BCOR: variants seen among roughly 807,000 people sequenced by gnomAD.
The protein encoded by BCOR is BCL6 corepressor.
BCOR carries 10 observed loss-of-function variants against 86.7 expected under a neutral mutation model. The observed-to-expected ratio is 0.12, with a 90% CI of 0.07 to 0.20. The LOEUF (loss-of-function observed/expected upper bound fraction) is 0.20. BCOR is among the 10% of genes least tolerant of loss of function. The pLI, the probability that BCOR is intolerant of heterozygous loss-of-function variation, is 1.00. For synonymous variants in BCOR, 611 were observed against 609.0 expected, an observed-to-expected ratio of 1.00 and a Z score of -0.05; for missense variants, 1,259 against 1,452.1, an observed-to-expected ratio of 0.87 and a Z score of 2.16.
At chrX:40,151,204 T>G (rs1938159074) in intron 1 of BCOR, among the ~76,000 whole-genome samples, 1 of 112,317 alleles carries the variant, frequency 8.9e-6, no homozygotes, top group Admixed American at 9.3e-5. Context: ...GTGGGTGGAT[T>G]AGGCCCAAGG....
intron 1 of BCOR, among the ~76,000 whole-genome samples, chrX:40,161,342 G>A (rs1022976626): frequency 3.4e-4 from 37 of 108,484 alleles, no homozygotes; most frequent in Non-Finnish European, 6.9e-4. Context: ...GAGTAGCTGG[G>A]ATTAGCGCCA....
At chrX:40,068,314 A>G (rs891177435) in intron 6 of BCOR, among the ~76,000 whole-genome samples, 1 of 111,891 alleles carries the variant, frequency 8.9e-6, no homozygotes, top group Non-Finnish European at 1.9e-5. Flanking sequence ...AGGCAACATC[A>G]CCTCTAGCAG....
intron 14 of BCOR, among the ~76,000 whole-genome samples, 155 bp from the exon 15 acceptor site, chrX:40,052,555 A>ATTT (rs1314879202): frequency 1.9e-4 from 9 of 47,760 alleles, no homozygotes; most frequent in African/African-American, 2.5e-4. Context: ...TCTGATCACC[A>ATTT]TTTTTTTTTT....
In BCOR at chrX:40,072,821, A is replaced by G. The variant is rs143119333; in HGVS notation, c.2525T>C (p.Val842Ala). 63 of 1,209,815 alleles carry G rather than the reference A, an allele frequency of 5.2e-5. No homozygotes were observed. In the African/African-American group the frequency reaches 1.0e-3, roughly 19 times the overall value. Residue 842 changes from valine (V) to alanine (A), a missense_variant, in exon 4 of 15, where the codon GTT (valine) becomes GCT (alanine). Val to Ala is a moderately conservative substitution (Grantham distance 64, BLOSUM62 0). Around this residue, in one of 7 missense-constraint regions of BCOR, gnomAD observed 534 missense variants for 594.8 expected, o/e 0.90. Transcript: ENST00000378444. Reference protein sequence around the residue: ...GQSAEPPKPSVEPALQQHRDF... With the variant: ...GQSAEPPKPSAEPALQQHRDF... Reference sequence around the variant, plus strand: ...ACGGTGCTGCTGCAGGGCCGGCTCAACTGAGGGCTTGGGGGGCTCAGCGCT... The same window carrying G: ...ACGGTGCTGCTGCAGGGCCGGCTCAGCTGAGGGCTTGGGGGGCTCAGCGCT...
chrX:40,062,106 C>T (rs1934907057), intron 10 of BCOR, 33 bp downstream of exon 10: 2 of 1,182,220 alleles, frequency 1.7e-6, no homozygotes, highest in Non-Finnish European at 2.3e-6. Flanking sequence ...GCCCCCCAGC[C>T]TGCAGCCCCA....
In BCOR at chrX:40,062,352, C is replaced by G. The variant is rs201669316; in HGVS notation, c.4215G>C (p.Ser1405=). 7 of 1,206,801 alleles carry G rather than the reference C, an allele frequency of 5.8e-6. No individual in the cohort carries two copies. Among genetic ancestry groups the G allele is most frequent in the Non-Finnish European group, 7.8e-6 (7 of 893,324 alleles). ...GCTTGGCTGGTGACAGATCATAGTCCGAACTGGGCTCCGGCCGCTTTCTGA... is the reference window on the plus strand; with the variant it reads ...GCTTGGCTGGTGACAGATCATAGTCGGAACTGGGCTCCGGCCGCTTTCTGA... ...RRFRKRPEPS[S]DYDLSPAKQE... is the part of the protein sequence containing the mutation. The change falls in exon 10 of 15, where the codon TCG becomes TCC. Residue 1405 remains serine (S), a synonymous_variant. Transcript: ENST00000378444.
chrX:40,121,729 A>G (rs1411048240), intron 1 of BCOR, among the ~76,000 whole-genome samples: 3 of 112,660 alleles, frequency 2.7e-5, no homozygotes, highest in Non-Finnish European at 5.6e-5. Context: ...TCTTTGAAAA[A>G]TTGAGCTGAG....
intron 6 of BCOR, among the ~76,000 whole-genome samples, chrX:40,068,664 AAAGG>A (rs1332320206): frequency 8.9e-6 from 1 of 112,390 alleles, no homozygotes; most frequent in Non-Finnish European, 1.9e-5. Context: ...CTAAAAACAA[AAAGG>A]AAGGGCCCAA....
chrX:40,140,455 G>A (rs1937897520), intron 1 of BCOR, among the ~76,000 whole-genome samples: 1 of 111,313 alleles, frequency 9.0e-6, no homozygotes, highest in South Asian at 3.8e-4. Flanking sequence ...GAGATAGATG[G>A]AGACCCCATT....
At chrX:40,169,110 G>T (rs1938566691) in intron 1 of BCOR, among the ~76,000 whole-genome samples, 1 of 112,644 alleles carries the variant, frequency 8.9e-6, no homozygotes, top group African/African-American at 3.2e-5. Flanking sequence ...AAAATTAGGA[G>T]GTCCGCGAAA....
chrX:40,107,976 C>T (rs1937225305), intron 1 of BCOR, among the ~76,000 whole-genome samples: 1 of 113,423 alleles, frequency 8.8e-6, no homozygotes, highest in Non-Finnish European at 1.9e-5. Flanking sequence ...TTTGTGTTGC[C>T]TTCTACAAGA....
At chrX:40,154,428 C>A (rs1010635882) in intron 1 of BCOR, among the ~76,000 whole-genome samples, 1 of 112,502 alleles carries the variant, frequency 8.9e-6, no homozygotes, top group Non-Finnish European at 1.9e-5. Context: ...CCCCTCCTCC[C>A]CCTTTGTTCT....
At chrX:40,168,685 C>T (rs774899361) in intron 1 of BCOR, among the ~76,000 whole-genome samples, 2 of 112,907 alleles carry the variant, frequency 1.8e-5, no homozygotes, top group Admixed American at 1.8e-4. Flanking sequence ...GGAGGAGACG[C>T]CACATCGGGC....
At chrX:40,084,667 G>A (rs1287107357) in intron 1 of BCOR, among the ~76,000 whole-genome samples, 1 of 110,103 alleles carries the variant, frequency 9.1e-6, no homozygotes, top group Non-Finnish European at 1.9e-5. Context: ...TTCCACCAGG[G>A]CTTTGTAGGA....
In BCOR at chrX:40,110,258, T is replaced by C. The variant is rs143116695; in HGVS notation, c.-40-32289A>G. Reference sequence around the variant, plus strand: ...CATTATGGTCTATTAGGGGAAGTAATGTATAAACAGCACTATTTGGGAGGG... The same window carrying C: ...CATTATGGTCTATTAGGGGAAGTAACGTATAAACAGCACTATTTGGGAGGG... On this transcript the variant is annotated intron_variant, in intron 1 of 14. Coordinates refer to the BCOR transcript ENST00000342274. 6.6e-3 allele frequency among the ~76,000 whole-genome samples: 739 copies of C among 111,381 alleles called. 4 individuals are homozygous for C. Among genetic ancestry groups the C allele is most frequent in the African/African-American group, 0.023 (718 of 30,667 alleles).
intron 1 of BCOR, among the ~76,000 whole-genome samples, chrX:40,125,295 G>A (rs1323292013): frequency 9.0e-6 from 1 of 111,633 alleles, no homozygotes; most frequent in Non-Finnish European, 1.9e-5. Flanking sequence ...GTGCAGTGGC[G>A]AGATCTCAGC....
At chrX:40,128,976 T>A (rs1937574912) in intron 1 of BCOR, among the ~76,000 whole-genome samples, 1 of 112,038 alleles carries the variant, frequency 8.9e-6, no homozygotes, top group South Asian at 3.7e-4. Context: ...TATTCAATCC[T>A]CATGGAAGTA....
chrX:40,101,455 G>A, upstream of BCOR, among the ~76,000 whole-genome samples: 1 of 113,310 alleles, frequency 8.8e-6, no homozygotes, highest in Non-Finnish European at 1.9e-5. Flanking sequence ...AGGTGCTGCG[G>A]ATGGAGCAGC....
intron 6 of BCOR, among the ~76,000 whole-genome samples, chrX:40,067,372 C>T (rs1026540629): frequency 1.6e-4 from 18 of 111,710 alleles, no homozygotes; most frequent in African/African-American, 5.5e-4. Flanking sequence ...GGGAGGGCTC[C>T]CCTGCACACA....
Sources: allele counts gnomAD v4.1 joint callset (sites outside exome capture counted in the v4.1 genomes callset), GRCh38; gene constraint gnomAD v4.1.1; regional missense constraint gnomAD v4.1.1; transcripts MANE v1.5; gene names NCBI Gene and HGNC (gene_info 2026-07-23, HGNC 2026-07-21).